The following ABCA12 variants were observed in gnomAD, a reference collection of about 807,000 sequenced individuals.
ABCA12 encodes the protein ATP binding cassette subfamily A member 12.
Under a neutral mutation model 293.5 loss-of-function variants are expected in ABCA12, and 156 were observed. The observed-to-expected ratio is 0.53, with a 90% confidence interval of 0.47 to 0.61. The LOEUF (loss-of-function observed/expected upper bound fraction) is 0.61, where lower values mean the gene tolerates loss of function less well. Ranked by LOEUF, ABCA12 falls within the 20% of genes least tolerant of loss-of-function variation. The probability of loss-of-function intolerance (pLI) is 0.00; values close to 1 mark genes in which losing one functional copy is unlikely to be tolerated. For synonymous variants in ABCA12, 1,063 were observed against 1,108.0 expected (o/e 0.96, Z 0.81); for missense variants, 2,797 against 3,090.2 (o/e 0.91, Z 2.25).
chr2:214,993,345 A>G (rs73090410), intron 23 of ABCA12, among the ~76,000 whole-genome samples: 3,826 of 152,296 alleles, frequency 0.025, 159 homozygotes, highest in African/African-American at 0.084. Flanking sequence ...AGTTTCCCCA[A>G]TTGCTACACA....
rs373000031 is a variant in ABCA12, at chr2:215,086,564, A to G, written c.164-22345T>C. 3.3e-4 allele frequency among the ~76,000 whole-genome samples: 51 copies of G among 152,326 alleles called. No homozygotes were observed. In the South Asian group the frequency reaches 0.01, roughly 31 times the overall value. ...CACCTTTACATGAACACAGCTAAGA[A>G]TCAGCAAACCCAGGCTCCTAATACC... On this transcript the variant is annotated intron_variant, in intron 2 of 52. Coordinates refer to ENST00000272895, the MANE Select transcript of ABCA12 (RefSeq NM_173076.3).
At chr2:215,129,274 C>T (rs1039438321) in intron 1 of ABCA12, among the ~76,000 whole-genome samples, 2 of 152,118 alleles carry the variant, frequency 1.3e-5, no homozygotes, top group Non-Finnish European at 1.5e-5. Flanking sequence ...GGAAGGGTCT[C>T]GGATCCTTCA....
intron 8 of ABCA12, among the ~76,000 whole-genome samples, chr2:215,034,653 A>G (rs1309667005): frequency 6.6e-6 from 1 of 152,204 alleles, no homozygotes; most frequent in East Asian, 1.9e-4. Context: ...ACACAGATCC[A>G]AGTTCTAATC....
intron 41 of ABCA12, among the ~76,000 whole-genome samples, chr2:214,958,073 T>C (rs1281562678): frequency 6.6e-6 from 1 of 152,144 alleles, no homozygotes; most frequent in Non-Finnish European, 1.5e-5. Context: ...GAATCTGATA[T>C]AGTCCACAGA....
intron 2 of ABCA12, among the ~76,000 whole-genome samples, chr2:215,065,917 C>T (rs1255081076): frequency 6.6e-6 from 1 of 151,996 alleles, no homozygotes; most frequent in Non-Finnish European, 1.5e-5. Flanking sequence ...AACTGAAGCC[C>T]ACCAAACTAT....
chr2:214,975,823 G>T lies in ABCA12; in HGVS notation c.5343C>A (p.Pro1781=). ...SNSYPEIQIS[P]SLYGTSEQTA... is the part of the protein sequence containing the mutation. Reference sequence around the variant, plus strand: ...TCTGTTCGGAGGTACCATAAAGAGAGGGGGAGATCTGAATCTCTGGATAAC... The same window carrying T: ...TCTGTTCGGAGGTACCATAAAGAGATGGGGAGATCTGAATCTCTGGATAAC... The change falls in exon 34 of 53, where the codon CCC becomes CCA. Residue 1781 remains proline, a synonymous_variant. Coordinates refer to ENST00000272895, the MANE Select transcript of ABCA12 (RefSeq NM_173076.3). 6.2e-7 allele frequency: 1 copy of T among 1,614,098 alleles called. No homozygotes were observed. The highest frequency in any genetic ancestry group is 8.5e-7 in the Non-Finnish European group (1 of 1,179,966).
At chr2:214,967,584 A>G (rs754872514) in intron 38 of ABCA12, among the ~76,000 whole-genome samples, 2 of 152,198 alleles carry the variant, frequency 1.3e-5, no homozygotes, top group Non-Finnish European at 2.9e-5. Flanking sequence ...TTAGAAATTC[A>G]CATGTTTGTG....
intron 14 of ABCA12, among the ~76,000 whole-genome samples, chr2:215,017,473 G>A (rs568624186): frequency 2.6e-5 from 4 of 152,122 alleles, no homozygotes; most frequent in East Asian, 1.9e-4. Context: ...CTTGCTGTAC[G>A]ACTTTTAAAA....
rs560782577 is a variant in ABCA12, at chr2:215,014,628, G to A, written c.1956+862C>T. ...GGCTGCTTGCAAGGTGCTAGGGAGA[G>A]GGGTAGAGGGTAGGTGTGGAAGCAA... On this transcript the variant is annotated intron_variant, in intron 15 of 52. Transcript: ENST00000272895. Among the ~76,000 whole-genome samples the A allele has an allele frequency of 9.2e-3, 1,406 of 152,242 alleles. 19 individuals carry two copies. The highest frequency in any genetic ancestry group is 0.031 in the African/African-American group (1,304 of 41,528).
At chr2:215,098,948 C>T (rs1372156465) in intron 2 of ABCA12, among the ~76,000 whole-genome samples, 1 of 152,208 alleles carries the variant, frequency 6.6e-6, no homozygotes, top group Non-Finnish European at 1.5e-5. Flanking sequence ...TTTGTTATTG[C>T]ACCATTGAAT....
In ABCA12 at chr2:215,015,771, C is replaced by T. The variant is rs185489726; in HGVS notation, c.1783-108G>A. The T allele has an allele frequency of 5.2e-5, 51 of 971,648 alleles. No individual in the cohort carries two copies. The East Asian group carries it at 1.2e-3, about 23-fold the overall frequency. 60.2% of individuals were successfully genotyped at this position (971,648 alleles called of 1,614,324 possible). A position where few individuals can be genotyped will look rare whatever the true frequency, so the allele number is the denominator to read the frequency against. On this transcript the variant is annotated intron_variant, in intron 14 of 52. Transcript: ENST00000272895. Reference sequence around the variant, plus strand: ...TAAATTTTAAACTAAAACAAAAGGTCCTCAAGAATCAAACAACTTTTCATC... The same window carrying T: ...TAAATTTTAAACTAAAACAAAAGGTTCTCAAGAATCAAACAACTTTTCATC...
intron 2 of ABCA12, among the ~76,000 whole-genome samples, chr2:215,084,864 C>T (rs1162389244): frequency 2.0e-5 from 3 of 151,986 alleles, no homozygotes; most frequent in African/African-American, 7.2e-5. Flanking sequence ...GAGGCCGAGT[C>T]GGGCAGGTCA....
chr2:214,943,074 G>T, intron 49 of ABCA12, 57 bp from the exon 50 acceptor site: 1 of 1,320,598 alleles, frequency 7.6e-7, no homozygotes, highest in Admixed American at 1.7e-5. Context: ...TTGGGTTGAA[G>T]TTCATGAGCA....
At chr2:214,989,212 T>TA in intron 26 of ABCA12, 117 bp downstream of exon 26, 1 of 47,268 alleles carries the variant, frequency 2.1e-5, no homozygotes, top group Non-Finnish European at 4.9e-5. Context: ...ATATATATAA[T>TA]ATTTTTATTT....
intron 3 of ABCA12, among the ~76,000 whole-genome samples, chr2:215,057,229 C>A (rs1254049365): frequency 6.6e-6 from 1 of 151,976 alleles, no homozygotes. Flanking sequence ...CCCTCACCAG[C>A]AAATTAGCAA....
At chr2:215,101,050 C>T (rs1702347512) in intron 2 of ABCA12, among the ~76,000 whole-genome samples, 2 of 152,146 alleles carry the variant, frequency 1.3e-5, no homozygotes, top group Admixed American at 6.6e-5. Context: ...GTCCTAAAAA[C>T]GTGTCTTCAA....
At chr2:215,004,994 T>C (rs1202780120) in intron 19 of ABCA12, among the ~76,000 whole-genome samples, 1 of 152,262 alleles carries the variant, frequency 6.6e-6, no homozygotes, top group Non-Finnish European at 1.5e-5. Flanking sequence ...AAGGCCTTTA[T>C]AGCTATTTGC....
chr2:215,109,303 A>C (rs1385820485), intron 2 of ABCA12, among the ~76,000 whole-genome samples: 1 of 152,198 alleles, frequency 6.6e-6, no homozygotes, highest in East Asian at 1.9e-4. Flanking sequence ...TGGACAAAGA[A>C]GCGGTTTTCA....
At chr2:215,033,822 T>A (rs184578864) in intron 8 of ABCA12, among the ~76,000 whole-genome samples, 1 of 152,132 alleles carries the variant, frequency 6.6e-6, no homozygotes, top group East Asian at 1.9e-4. Flanking sequence ...GTGCCTGTAG[T>A]CCCAGGTACT....
Sources: allele counts gnomAD v4.1 joint callset (sites outside exome capture counted in the v4.1 genomes callset), GRCh38; gene constraint gnomAD v4.1.1; transcripts MANE v1.5; gene names NCBI Gene and HGNC (gene_info 2026-07-23, HGNC 2026-07-21).